DCBLD1: variants seen among roughly 807,000 people sequenced by gnomAD.
The protein encoded by DCBLD1 is discoidin, CUB and LCCL domain containing 1.
A neutral mutation model predicts 71.5 loss-of-function variants in DCBLD1; 57 were observed. The observed-to-expected ratio is 0.80, with a 90% CI of 0.64 to 0.99. DCBLD1 has a LOEUF of 0.99. DCBLD1 is among the 50% of genes least tolerant of loss of function. The pLI is 0.00. For synonymous variants in DCBLD1, 380 were observed against 363.8 expected, an observed-to-expected ratio of 1.04 and a Z score of -0.51; for missense variants, 891 against 923.5, an observed-to-expected ratio of 0.96 and a Z score of 0.46.
chr6:117,537,474 C>G (rs1778925652), intron 7 of DCBLD1, among the ~76,000 whole-genome samples: 1 of 150,034 alleles, frequency 6.7e-6, no homozygotes, highest in African/African-American at 2.5e-5. Context: ...GCGGAGCTTG[C>G]AGTGAGCTGA....
chr6:117,538,816 G>A lies in DCBLD1; in HGVS notation c.957G>A (p.Gly319=), dbSNP rs1211340284. 2 of 1,613,014 alleles carry A rather than the reference G, an allele frequency of 1.2e-6. No homozygotes were observed. The highest frequency in any genetic ancestry group is 1.3e-5 in the African/African-American group (1 of 74,874). ...GAGAGTGGCTGGAGATCGATTTGGG[G>A]GAGAAAAAGAAAATAACAGGTGCAG... The part of the protein sequence containing the change: ...KPREWLEIDL[G]EKKKITGIRT... Residue 319 remains glycine (G), a synonymous_variant, in exon 8 of 15, where the codon GGG becomes GGA. Coordinates refer to ENST00000338728, the MANE Select transcript of DCBLD1 (RefSeq NM_001366458.2).
chr6:117,495,361 A>G (rs17079286), intron 1 of DCBLD1, among the ~76,000 whole-genome samples: 10,129 of 152,236 alleles, frequency 0.067, 711 homozygotes, highest in African/African-American at 0.17. Flanking sequence ...ATACTTTAAT[A>G]ATGTGTAGAA....
At chr6:117,530,282 A>G (rs180862043) in intron 5 of DCBLD1, among the ~76,000 whole-genome samples, 14 of 152,314 alleles carry the variant, frequency 9.2e-5, no homozygotes, top group Admixed American at 7.2e-4. Context: ...TTTGTGAAAG[A>G]CAGTTTTTCC....
intron 9 of DCBLD1, 74 bp from the exon 10 acceptor site, chr6:117,540,594 A>C (rs1779057913): frequency 1.3e-6 from 2 of 1,550,924 alleles, no homozygotes; most frequent in Middle Eastern, 1.8e-4. Flanking sequence ...TCATATAACC[A>C]GGTATAAGTG....
intron 2 of DCBLD1, among the ~76,000 whole-genome samples, chr6:117,513,728 G>T (rs1458986935): frequency 6.6e-6 from 1 of 152,196 alleles, no homozygotes; most frequent in Non-Finnish European, 1.5e-5. Context: ...TTAGGAAGGG[G>T]TTGGATTTCA....
At chr6:117,535,027 G>C (rs1359395281) in intron 6 of DCBLD1, among the ~76,000 whole-genome samples, 2 of 152,124 alleles carry the variant, frequency 1.3e-5, no homozygotes, top group African/African-American at 4.8e-5. Context: ...CACTCATTTA[G>C]ATTTGAAATC....
rs761459290 is a variant in DCBLD1 at position 117,569,742 on chromosome 6, A to C, written c.*118A>C. 1.8e-5 allele frequency: 28 copies of C among 1,580,746 alleles called. No homozygotes were observed. The Middle Eastern group carries it at 5.0e-4, about 28-fold the overall frequency. ...ACACCATGTTCTTTCCCACCCTAAC[A>C]ACAACAAAGGGCAGTAAATTAAAGT... On this transcript the variant is annotated 3_prime_UTR_variant, in exon 15 of 15. Coordinates refer to the DCBLD1 transcript ENST00000296955.
downstream of DCBLD1, among the ~76,000 whole-genome samples, chr6:117,552,037 T>C (rs1208653230): frequency 6.6e-6 from 1 of 152,102 alleles, no homozygotes; most frequent in African/African-American, 2.4e-5. Context: ...GGAGGATCAC[T>C]TGAGCCCAGA....
Position 117,482,721 on chromosome 6 carries a change from G to C in DCBLD1, c.-61G>C, listed in dbSNP as rs1412925149. ...CAGAGGAGGCGGCCCGGCCCGGGCA[G>C]CTGCGGCTCGGGATCCGTCGAGGGG... On this transcript the variant is annotated 5_prime_UTR_variant, in exon 1 of 15. Transcript: ENST00000338728. 1 of 1,108,394 alleles carries C rather than the reference G, an allele frequency of 9.0e-7. No homozygotes were observed. The highest frequency in any genetic ancestry group is 5.1e-5 in the Admixed American group (1 of 19,702). 68.7% of individuals were successfully genotyped at this position (1,108,394 alleles called of 1,614,324 possible).
chr6:117,560,305 AT>A, intron 14 of DCBLD1: 1 of 176,806 alleles, frequency 5.7e-6, no homozygotes, highest in South Asian at 2.0e-4. Flanking sequence ...ATTTAAAAAA[AT>A]GAGATCAATA....
chr6:117,560,674 A>G (rs1779567485), intron 14 of DCBLD1: 1 of 196,934 alleles, frequency 5.1e-6, no homozygotes, highest in Non-Finnish European at 1.1e-5. Context: ...TCTCACCACC[A>G]AAATGTTGCT....
At chr6:117,543,598 T>A (rs1020379130) in intron 12 of DCBLD1, among the ~76,000 whole-genome samples, 5 of 152,300 alleles carry the variant, frequency 3.3e-5, no homozygotes, top group Non-Finnish European at 7.4e-5. Flanking sequence ...GTCTCAAACT[T>A]CTGGTCTCAT....
At chr6:117,484,397 G>T (rs1777013440) in intron 1 of DCBLD1, among the ~76,000 whole-genome samples, 1 of 152,140 alleles carries the variant, frequency 6.6e-6, no homozygotes. Context: ...CGCCCAGGCT[G>T]CAGTGCAGTG....
chr6:117,569,263 T>C (rs1008624091), intron 14 of DCBLD1, among the ~76,000 whole-genome samples: 10 of 152,210 alleles, frequency 6.6e-5, no homozygotes, highest in Admixed American at 1.3e-4. Flanking sequence ...TCAGGTCCTG[T>C]TCTGAGTACT....
intron 10 of DCBLD1, 32 bp from the exon 11 acceptor site, chr6:117,540,886 A>T (rs200242389): frequency 1.5e-5 from 25 of 1,613,974 alleles, no homozygotes; most frequent in Non-Finnish European, 1.9e-5. Context: ...ATTGTTACTC[A>T]TGTGGTTTTC....
intron 5 of DCBLD1, among the ~76,000 whole-genome samples, chr6:117,528,937 T>C (rs1426800437): frequency 1.3e-5 from 2 of 152,126 alleles, no homozygotes; most frequent in African/African-American, 2.4e-5. Flanking sequence ...ACTTCCTGGG[T>C]TCACGCCATT....
At chr6:117,553,672 C>A (rs1475443032), downstream of DCBLD1, among the ~76,000 whole-genome samples, 1 of 152,288 alleles carries the variant, frequency 6.6e-6, no homozygotes, top group South Asian at 2.1e-4. Context: ...AACGTAGTAT[C>A]CCTTTCCATT....
rs1440697860 is a variant in DCBLD1 at position 117,532,288 on chromosome 6, A to G, written c.614A>G (p.His205Arg). The change falls in exon 6 of 15, where the codon CAT (histidine) becomes CGT (arginine). Residue 205 changes from histidine (H) to arginine (R), a missense_variant. Coordinates refer to ENST00000338728, the MANE Select transcript of DCBLD1 (RefSeq NM_001366458.2). ...DTSLLCKAAI[H>R]AGIIADELGG... ...TCTTTATTGTGCAAAGCTGCCATCC[A>G]TGCAGGAATAATTGCTGATGAACTA... 1.2e-6 allele frequency: 2 copies of G among 1,613,116 alleles called. No homozygotes were observed. Among genetic ancestry groups the G allele is most frequent in the East Asian group, 2.2e-5 (1 of 44,872 alleles).
intron 1 of DCBLD1, among the ~76,000 whole-genome samples, chr6:117,501,905 A>G (rs1003254728): frequency 1.3e-5 from 2 of 152,170 alleles, no homozygotes; most frequent in Non-Finnish European, 2.9e-5. Flanking sequence ...TTTGCTGTCT[A>G]TATTGGCCTC....
Sources: gnomAD v4.1 joint callset for allele counts (sites outside exome capture counted in the v4.1 genomes callset) on GRCh38, gnomAD v4.1.1 for gene constraint, MANE v1.5 for transcripts, NCBI Gene and HGNC (gene_info 2026-07-23, HGNC 2026-07-21) for gene names.